RMI1: variants seen among roughly 807,000 people sequenced by gnomAD.
RMI1 encodes the protein RecQ mediated genome instability 1.
RMI1 carries 36 observed loss-of-function variants against 46.7 expected under a neutral mutation model. That is an observed-to-expected ratio of 0.77 (90% confidence interval 0.59 to 1.02). The LOEUF (loss-of-function observed/expected upper bound fraction) is 1.02, where lower values mean the gene tolerates loss of function less well. Ranked by LOEUF, RMI1 falls within the 50% of genes least tolerant of loss-of-function variation. The pLI, the probability that RMI1 is intolerant of heterozygous loss-of-function variation, is 0.00. For synonymous variants in RMI1, 250 were observed against 252.9 expected, an observed-to-expected ratio of 0.99 and a Z score of 0.11; for missense variants, 676 against 713.7, an observed-to-expected ratio of 0.95 and a Z score of 0.60.
intron 1 of RMI1, among the ~76,000 whole-genome samples, chr9:83,991,311 T>TC (rs1210702361): frequency 6.6e-6 from 1 of 151,980 alleles, no homozygotes; most frequent in Non-Finnish European, 1.5e-5. Flanking sequence ...TTTTTCTTTT[T>TC]TTTTTTTTAA....
At chr9:83,981,452 C>T (rs569206120) in intron 1 of RMI1, among the ~76,000 whole-genome samples, 1 of 152,318 alleles carries the variant, frequency 6.6e-6, no homozygotes, top group South Asian at 2.1e-4. Context: ...AAACGTGCTC[C>T]TGTTCTAGCG....
intron 1 of RMI1, among the ~76,000 whole-genome samples, chr9:83,996,808 A>C (rs1957660153): frequency 6.6e-6 from 1 of 152,044 alleles, no homozygotes; most frequent in South Asian, 2.1e-4. Context: ...ATCATGGTGA[A>C]AGTGAAGGCA....
chr9:84,001,914 G>T lies in RMI1; in HGVS notation c.928G>T (p.Glu310Ter). 1.2e-6 allele frequency: 2 copies of T among 1,613,954 alleles called. No homozygotes were observed. Among genetic ancestry groups the T allele is most frequent in the Non-Finnish European group, 1.7e-6 (2 of 1,179,906 alleles). ...CCTATCTATACATGTAATGGATGGA[G>T]AATTAGATGACTTTTCACTGGAGGA... ...SNLSIHVMDG[E>*]LDDFSLEEAL... The change falls in exon 3 of 3, where the codon GAA (glutamate) becomes TAA (stop). Residue 310 changes from glutamate (E) to a stop codon, truncating the protein, a stop_gained. Transcript: ENST00000445877. LOFTEE classifies it high-confidence loss of function.
intron 2 of RMI1, among the ~76,000 whole-genome samples, 155 bp downstream of exon 2, chr9:83,999,952 A>G (rs894015735): frequency 3.3e-5 from 5 of 152,242 alleles, no homozygotes; most frequent in African/African-American, 1.2e-4. Flanking sequence ...ATCAGAAGTT[A>G]AATATTTATA....
At chr9:83,981,747 T>C (rs189177333) in intron 1 of RMI1, among the ~76,000 whole-genome samples, 108 of 152,360 alleles carry the variant, frequency 7.1e-4, no homozygotes, top group African/African-American at 2.3e-3. Context: ...TGTTGATGAA[T>C]TTGTGCTGAT....
intron 1 of RMI1, among the ~76,000 whole-genome samples, chr9:83,993,740 T>C (rs965113925): frequency 6.6e-6 from 1 of 152,118 alleles, no homozygotes; most frequent in Non-Finnish European, 1.5e-5. Context: ...ATTAGTGATG[T>C]TGAGCATCTT....
chr9:84,002,748 T>G lies in RMI1; in HGVS notation c.1762T>G (p.Leu588Val). 6.2e-7 allele frequency: 1 copy of G among 1,613,806 alleles called. No individual in the cohort carries two copies. Reference protein sequence around the residue: ...LQKCQRDLIDLCCLMTISFNP... With the variant: ...LQKCQRDLIDVCCLMTISFNP... ...GAAATGTCAAAGAGATCTAATAGAT[T>G]TGTGCTGTCTAATGACTATTTCATT... Residue 588 changes from leucine (L) to valine (V), a missense_variant, in exon 3 of 3, where the codon TTG becomes GTG. Physicochemically the swap from Leu to Val is conservative, Grantham distance 32. Coordinates refer to ENST00000445877, the MANE Select transcript of RMI1 (RefSeq NM_001358291.2).
At chr9:83,995,146 C>T (rs931145363) in intron 1 of RMI1, among the ~76,000 whole-genome samples, 53 of 151,966 alleles carry the variant, frequency 3.5e-4, no homozygotes, top group African/African-American at 1.2e-3. Context: ...ATTACAGGTG[C>T]GTGCAACCAT....
chr9:84,001,901 T>C lies in RMI1; in HGVS notation c.915T>C (p.His305=). 6.2e-7 allele frequency: 1 copy of C among 1,614,032 alleles called. No individual in the cohort carries two copies. Among genetic ancestry groups the C allele is most frequent in the Non-Finnish European group, 8.5e-7 (1 of 1,179,944 alleles). The part of the protein sequence containing the change: ...PKEEPSNLSI[H]VMDGELDDFS... ...AGGAACCATCAAACCTATCTATACA[T>C]GTAATGGATGGAGAATTAGATGACT... The change falls in exon 3 of 3, where the codon CAT becomes CAC. Residue 305 remains histidine, a synonymous_variant. Transcript: ENST00000445877.
At chr9:83,993,346 C>T (rs1957601485) in intron 1 of RMI1, among the ~76,000 whole-genome samples, 1 of 152,162 alleles carries the variant, frequency 6.6e-6, no homozygotes, top group Non-Finnish European at 1.5e-5. Flanking sequence ...TTTTATAATA[C>T]TGAACATTCC....
At chr9:83,988,865 G>A (rs1310517746) in intron 1 of RMI1, among the ~76,000 whole-genome samples, 1 of 151,798 alleles carries the variant, frequency 6.6e-6, no homozygotes, top group African/African-American at 2.4e-5. Flanking sequence ...CCTTCTGTTT[G>A]TTTTTTTGTT....
At chr9:83,999,185 AAAT>A (rs1334025910) in intron 1 of RMI1, among the ~76,000 whole-genome samples, 4 of 106,302 alleles carry the variant, frequency 3.8e-5, no homozygotes, top group Admixed American at 1.1e-4. Context: ...GAATAAAATA[AAAT>A]AAAAAAAAAT....
At chr9:83,999,954 A>G (rs1361454764) in intron 2 of RMI1, among the ~76,000 whole-genome samples, 157 bp downstream of exon 2, 1 of 152,216 alleles carries the variant, frequency 6.6e-6, no homozygotes, top group Non-Finnish European at 1.5e-5. Context: ...CAGAAGTTAA[A>G]TATTTATATA....
intron 1 of RMI1, among the ~76,000 whole-genome samples, chr9:83,996,558 T>A (rs901864102): frequency 6.6e-6 from 1 of 152,228 alleles, no homozygotes; most frequent in Non-Finnish European, 1.5e-5. Flanking sequence ...TAAATTTTTG[T>A]CTAGTTTCTT....
rs771959809 is a variant in RMI1 at position 84,003,509 on chromosome 9, G to C, written c.*645G>C. ...TTCTAATATGTTGGTACTGTCTATG[G>C]CCATACCACCCTGAACATGCCTGAG... On this transcript the variant is annotated 3_prime_UTR_variant, in exon 3 of 3. Coordinates refer to ENST00000445877, the MANE Select transcript of RMI1 (RefSeq NM_001358291.2). 1.0e-4 allele frequency: 17 copies of C among 166,520 alleles called. No homozygotes were observed. The highest frequency in any genetic ancestry group is 1.8e-4 in the Non-Finnish European group (12 of 68,072). The allele number at this position is 166,520 out of a possible 1,614,324, so 10.3% of individuals were successfully genotyped here.
In RMI1 at chr9:84,003,236, A is replaced by G. The variant is rs1957765950; in HGVS notation, c.*372A>G. ...TTTATAATTACTATTATTGTTTTGT[A>G]GGGACAGAGTTTTGCTATGTTGCCC... On this transcript the variant is annotated 3_prime_UTR_variant, in exon 3 of 3. Coordinates refer to ENST00000445877, the MANE Select transcript of RMI1 (RefSeq NM_001358291.2). 5.9e-6 allele frequency: 1 copy of G among 170,204 alleles called. No homozygotes were observed. Among genetic ancestry groups the G allele is most frequent in the African/African-American group, 2.4e-5 (1 of 41,464 alleles). 10.5% of individuals were successfully genotyped at this position (170,204 alleles called of 1,614,324 possible). A position where few individuals can be genotyped will look rare whatever the true frequency, so the allele number is the denominator to read the frequency against.
At chr9:83,990,756 A>G (rs1049233008) in intron 1 of RMI1, among the ~76,000 whole-genome samples, 9 of 152,130 alleles carry the variant, frequency 5.9e-5, no homozygotes, top group South Asian at 2.1e-4. Flanking sequence ...GTATCAATAA[A>G]AAGTATTTTG....
chr9:84,001,258 C>A lies in RMI1; in HGVS notation c.272C>A (p.Ser91Tyr). ...GGATTTTATGCTCTGCAGATTAATT[C>A]CTTGGTTGATGTAAGTCAGCCTGCA... Reference protein sequence around the residue: ...LNGFYALQINSLVDVSQPAYS... With the variant: ...LNGFYALQINYLVDVSQPAYS... The change falls in exon 3 of 3, where the codon TCC becomes TAC. Residue 91 changes from serine to tyrosine, a missense_variant. Physicochemically the swap from Ser to Tyr is moderately radical, Grantham distance 144. Coordinates refer to ENST00000445877, the MANE Select transcript of RMI1 (RefSeq NM_001358291.2). The A allele has an allele frequency of 6.2e-7, 1 of 1,614,038 alleles. No individual in the cohort carries two copies. Among genetic ancestry groups the A allele is most frequent in the Non-Finnish European group, 8.5e-7 (1 of 1,179,966 alleles).
chr9:83,995,963 A>G (rs1052889926), intron 1 of RMI1, among the ~76,000 whole-genome samples: 1 of 152,152 alleles, frequency 6.6e-6, no homozygotes, highest in Admixed American at 6.5e-5. Flanking sequence ...GTATGCTCAA[A>G]GAGATAAAAA....
Sources: gnomAD v4.1 joint callset for allele counts (sites outside exome capture counted in the v4.1 genomes callset) on GRCh38, gnomAD v4.1.1 for gene constraint, MANE v1.5 for transcripts, NCBI Gene and HGNC (gene_info 2026-07-23, HGNC 2026-07-21) for gene names.